The following PCDHA3 variants were observed in gnomAD, a reference collection of about 807,000 sequenced individuals.
The protein encoded by PCDHA3 is protocadherin alpha 3, also known as protocadherin alpha-3.
In PCDHA3, 41 loss-of-function variants were observed where a neutral mutation model predicts 62.2. That is an observed-to-expected ratio of 0.66 (90% CI 0.51 to 0.86). The LOEUF is 0.86. Among genes scored for constraint, PCDHA3 ranks in the 40% least tolerant of loss-of-function variants. The pLI is 0.00. For synonymous variants in PCDHA3, 640 were observed against 555.4 expected (o/e 1.15, Z -2.14); for missense variants, 1,304 against 1,241.2 (o/e 1.05, Z -0.76).
chr5:140,965,748 C>T (rs1010303564), intron 1 of PCDHA3, among the ~76,000 whole-genome samples: 1 of 152,174 alleles, frequency 6.6e-6, no homozygotes, highest in Non-Finnish European at 1.5e-5. Flanking sequence ...TCCCCATTGT[C>T]GCCAAAATGG....
rs200253752 is a variant in PCDHA3, at chr5:140,890,259, T to TA, written c.2394+86668_2394+86669insA. ...TTTACCAGTACACTACTGCACCTGA[T>TA]TGCAAGCAAGAACCACTCAGTTGAG... On this transcript the variant is annotated intron_variant, in intron 1 of 3. Coordinates refer to ENST00000522353, the MANE Select transcript of PCDHA3 (RefSeq NM_018906.3). Among the ~76,000 whole-genome samples the TA allele has an allele frequency of 8.0e-3, 1,219 of 152,258 alleles. 6 individuals carry two copies. Among genetic ancestry groups the TA allele is most frequent in the African/African-American group, 0.019 (787 of 41,546 alleles).
intron 3 of PCDHA3, among the ~76,000 whole-genome samples, chr5:140,988,417 A>G (rs2097297098): frequency 6.6e-6 from 1 of 152,150 alleles, no homozygotes; most frequent in Non-Finnish European, 1.5e-5. Flanking sequence ...GCTTATGTAA[A>G]GAATTTGTTT....
intron 1 of PCDHA3, chr5:140,807,031 G>C: frequency 1.1e-6 from 1 of 901,876 alleles, no homozygotes; most frequent in South Asian, 1.7e-5. Context: ...GAAGGAGGAA[G>C]AAGGGAAAAT....
rs77308266 is a variant in PCDHA3 at position 140,916,313 on chromosome 5, A to C, written c.2395-62636A>C. On this transcript the variant is annotated intron_variant, in intron 1 of 3. Transcript: ENST00000522353. ...GCCAAACTGGTACCAAAGGTGCAAG[A>C]CAAAGTCCCCTTTACTTTTTCCTCT... Among the ~76,000 whole-genome samples the C allele has an allele frequency of 8.0e-3, 1,216 of 152,336 alleles. 6 individuals are homozygous for C. The highest frequency in any genetic ancestry group is 0.019 in the African/African-American group (784 of 41,584).
At chr5:140,966,617 A>G (rs1169791623) in intron 1 of PCDHA3, 8 of 785,216 alleles carry the variant, frequency 1.0e-5, no homozygotes, top group African/African-American at 1.8e-5. Flanking sequence ...GGGCCTACGG[A>G]GGGAGCGGCC....
intron 1 of PCDHA3, among the ~76,000 whole-genome samples, chr5:140,820,106 C>A (rs1196354953): frequency 1.3e-5 from 2 of 151,742 alleles, no homozygotes; most frequent in African/African-American, 4.8e-5. Context: ...TTATCATTTT[C>A]TTATGTTTTT....
intron 1 of PCDHA3, among the ~76,000 whole-genome samples, chr5:140,905,634 C>T (rs1554192107): frequency 6.6e-6 from 1 of 152,168 alleles, no homozygotes; most frequent in African/African-American, 2.4e-5. Context: ...ACAGTATGGT[C>T]AGTTTCACAG....
At chr5:140,967,128 T>G in intron 1 of PCDHA3, 14 of 1,612,170 alleles carry the variant, frequency 8.7e-6, no homozygotes, top group Non-Finnish European at 1.1e-5. Flanking sequence ...CTGCTCAGCT[T>G]GGAAGTGCTG....
intron 1 of PCDHA3, among the ~76,000 whole-genome samples, chr5:140,973,344 A>G (rs1389229715): frequency 1.3e-5 from 2 of 152,258 alleles, no homozygotes; most frequent in African/African-American, 2.4e-5. Flanking sequence ...AAAGTGACAT[A>G]GTAGTGAATT....
At chr5:140,942,351 G>GCAGTTAA (rs1563195355) in intron 1 of PCDHA3, among the ~76,000 whole-genome samples, 1 of 152,024 alleles carries the variant, frequency 6.6e-6, no homozygotes. Context: ...GGCGGAGGTT[G>GCAGTTAA]CAGTTAACGG....
At chr5:140,869,722 G>C in intron 1 of PCDHA3, 6 of 1,613,324 alleles carry the variant, frequency 3.7e-6, no homozygotes, top group Non-Finnish European at 5.1e-6. Context: ...GAAAACTCCG[G>C]AACTTAATTT....
At chr5:140,828,164 A>T in intron 1 of PCDHA3, 2 of 1,614,130 alleles carry the variant, frequency 1.2e-6, no homozygotes, top group Non-Finnish European at 1.7e-6. Flanking sequence ...CGCAGCCTGG[A>T]AGGTGGGGAG....
chr5:140,858,651 T>A, intron 1 of PCDHA3: 1 of 830,780 alleles, frequency 1.2e-6, no homozygotes, highest in Non-Finnish European at 1.8e-6. Context: ...GTACTTAAAT[T>A]TTTTTAAATA....
chr5:140,857,554 G>T lies in PCDHA3; in HGVS notation c.2394+53963G>T, dbSNP rs782355772. On this transcript the variant is annotated intron_variant, in intron 1 of 3. Coordinates refer to ENST00000522353, the MANE Select transcript of PCDHA3 (RefSeq NM_018906.3). ...TGGAGCGGCGGTTGGGCGAGCGCTC[G>T]CTGTCGAGCTACGTGTCGGTGCACG... 1.1e-5 allele frequency: 18 copies of T among 1,596,768 alleles called. 1 individual carries two copies. Among genetic ancestry groups the T allele is most frequent in the East Asian group, 6.7e-5 (3 of 44,826 alleles).
At chr5:140,835,944 C>T (rs2150248798) in intron 1 of PCDHA3, 2 of 1,612,686 alleles carry the variant, frequency 1.2e-6, no homozygotes, top group Admixed American at 1.7e-5. Flanking sequence ...GTACGCGCTG[C>T]AGCCGTTGGA....
intron 2 of PCDHA3, 103 bp downstream of exon 2, chr5:140,979,110 C>G (rs1223081047): frequency 4.6e-5 from 69 of 1,515,610 alleles, no homozygotes; most frequent in Non-Finnish European, 5.9e-5. Flanking sequence ...AACTAAAAAG[C>G]TTTAGGTACT....
In PCDHA3 at chr5:140,927,920, T is replaced by C. The variant is rs782193396; in HGVS notation, c.2395-51029T>C. Reference sequence around the variant, plus strand: ...GATCATGCCCCCGAACTGGACTTCCTGACTCTTTCGAACCCAGTACCTGAG... The same window carrying C: ...GATCATGCCCCCGAACTGGACTTCCCGACTCTTTCGAACCCAGTACCTGAG... On this transcript the variant is annotated intron_variant, in intron 1 of 3. Transcript: ENST00000522353. 6.2e-6 allele frequency: 10 copies of C among 1,614,120 alleles called. No individual in the cohort carries two copies. In the South Asian group the frequency reaches 1.1e-4, roughly 18 times the overall value.
At chr5:140,838,077 AGTGTGTGTGTGTGTGTGTGTGTGT>A (rs57130401) in intron 1 of PCDHA3, among the ~76,000 whole-genome samples, 5 of 80,700 alleles carry the variant, frequency 6.2e-5, no homozygotes, top group South Asian at 4.3e-4. Context: ...ATATATATAT[AGTGTGTGTGTGTGTGTGTGTGTGT>A]GTGTGTGTGT....
chr5:140,875,817 G>C lies in PCDHA3; in HGVS notation c.2394+72226G>C, dbSNP rs1262566792. 3 of 1,614,090 alleles carry C rather than the reference G, an allele frequency of 1.9e-6. No homozygotes were observed. The highest frequency in any genetic ancestry group is 2.7e-5 in the African/African-American group (2 of 74,930). On this transcript the variant is annotated intron_variant, in intron 1 of 3. Coordinates refer to ENST00000522353, the MANE Select transcript of PCDHA3 (RefSeq NM_018906.3). ...AGGTGATCGTGGACAGGCCGCTGCA[G>C]GTTTTCCATGTGGACGTGGAGGTGA...
Sources: allele counts gnomAD v4.1 joint callset (sites outside exome capture counted in the v4.1 genomes callset), GRCh38; gene constraint gnomAD v4.1.1; transcripts MANE v1.5; gene names NCBI Gene and HGNC (gene_info 2026-07-23, HGNC 2026-07-21).